The following KIF21B variants were observed in gnomAD, a reference collection of about 807,000 sequenced individuals.
KIF21B encodes kinesin family member 21B, also known as kinesin-like protein KIF21B.
Under a neutral mutation model 192.9 loss-of-function variants are expected in KIF21B, and 85 were observed. The observed-to-expected ratio is 0.44, with a 90% CI of 0.37 to 0.53. KIF21B has a LOEUF of 0.53. Among genes scored for constraint, KIF21B ranks in the 20% least tolerant of loss-of-function variants. The probability of loss-of-function intolerance (pLI) is 0.00; values close to 1 mark genes in which losing one functional copy is unlikely to be tolerated. For missense variants in KIF21B, 1,716 were observed against 2,194.8 expected (o/e 0.78, Z 4.36); for synonymous variants, 832 against 884.6 (o/e 0.94, Z 1.05).
Position 200,976,839 on chromosome 1 carries a change from C to T in KIF21B, c.4380G>A (p.Thr1460=), listed in dbSNP as rs368041843. The T allele has an allele frequency of 1.5e-5, 25 of 1,613,612 alleles. No homozygotes were observed. The highest frequency in any genetic ancestry group is 1.8e-5 in the Non-Finnish European group (21 of 1,179,786). Reference sequence around the variant, plus strand: ...CATGCTGGCTGGCCGTCTGGGTGACCGTCAGGCACATCACAGGGCCGATGT... The same window carrying T: ...CATGCTGGCTGGCCGTCTGGGTGACTGTCAGGCACATCACAGGGCCGATGT... ...TGHIGPVMCL[T]VTQTASQHDL... Residue 1460 remains threonine, a synonymous_variant, in exon 32 of 35, where the codon ACG becomes ACA. Coordinates refer to ENST00000461742, the MANE Select transcript of KIF21B (RefSeq NM_001252102.2).
At chr1:200,978,619 C>T (rs1021019515) in intron 30 of KIF21B, among the ~76,000 whole-genome samples, 1 of 152,204 alleles carries the variant, frequency 6.6e-6, no homozygotes, top group Non-Finnish European at 1.5e-5. Flanking sequence ...TGTATAATGG[C>T]ATGCATCTAC....
intron 3 of KIF21B, among the ~76,000 whole-genome samples, chr1:201,006,689 C>A (rs1307902492): frequency 6.6e-6 from 1 of 152,088 alleles, no homozygotes; most frequent in Non-Finnish European, 1.5e-5. Context: ...CTCTTCCGGG[C>A]TTCTCCATGG....
chr1:200,992,466 T>C, intron 15 of KIF21B, 77 bp from the exon 16 acceptor site: 2 of 1,443,376 alleles, frequency 1.4e-6, no homozygotes, highest in Non-Finnish European at 1.9e-6. Context: ...AGGGGCCAGC[T>C]CTGAGGGCAT....
Position 200,986,897 on chromosome 1 carries a change from TG to T in KIF21B, c.3635del (p.Thr1212LysfsTer6). 6.2e-7 allele frequency: 1 copy of T among 1,613,958 alleles called. No individual in the cohort carries two copies. The highest frequency in any genetic ancestry group is 8.5e-7 in the Non-Finnish European group (1 of 1,179,884). On this transcript the variant is annotated frameshift_variant, in exon 26 of 35. Transcript: ENST00000461742. LOFTEE classifies it high-confidence loss of function. ...TCCTTCTCGTCAGCGGGGACGTCTC[TG>T]TGGCTCGAGATTGCCTAGGGCTACA... ...GSTFPRQSRA[T>X]ETSPLTRRKS...
chr1:201,000,999 C>T lies in KIF21B; in HGVS notation c.1403-219G>A, dbSNP rs530105527. 6.6e-6 allele frequency among the ~76,000 whole-genome samples: 1 copy of T among 151,814 alleles called. No homozygotes were observed. The highest frequency in any genetic ancestry group is 1.9e-4 in the East Asian group (1 of 5,152). ...GCGCATGCCTCTAATCCCAGCTACT[C>T]GGGACGCTGAGGCAGGAGAATCGCT... On this transcript the variant is annotated intron_variant, in intron 9 of 34. Transcript: ENST00000461742. This position sits in a 1 kb window ranked among gnomAD's most constrained non-coding sequence, Gnocchi z 6.0.
chr1:200,981,680 T>G (rs887813608), intron 28 of KIF21B, among the ~76,000 whole-genome samples: 2 of 152,214 alleles, frequency 1.3e-5, no homozygotes, highest in Non-Finnish European at 2.9e-5. Context: ...ACACTCCTTT[T>G]GGACCAGCGG....
intron 3 of KIF21B, 48 bp from the exon 4 acceptor site, chr1:201,005,742 C>T (rs1657780648): frequency 6.3e-7 from 1 of 1,593,624 alleles, no homozygotes; most frequent in Non-Finnish European, 8.6e-7. Context: ...CACTGGGGCC[C>T]CAGGTGGCTG....
chr1:200,988,686 G>T (rs1460546487), intron 22 of KIF21B, 80 bp downstream of exon 22: 6 of 1,537,170 alleles, frequency 3.9e-6, no homozygotes, highest in Non-Finnish European at 5.3e-6. Flanking sequence ...TTCTGGGGAA[G>T]TGAGGGCCTT....
intron 17 of KIF21B, 117 bp downstream of exon 17, chr1:200,991,540 C>A: frequency 1.1e-5 from 12 of 1,053,338 alleles, no homozygotes; most frequent in Non-Finnish European, 1.7e-5. Flanking sequence ...TGGGAAATAC[C>A]GCCTTTATTC....
Position 201,023,292 on chromosome 1 carries a change from A to G in KIF21B, c.41+51T>C. On this transcript the variant is annotated intron_variant, in intron 1 of 34. Coordinates refer to ENST00000461742, the MANE Select transcript of KIF21B (RefSeq NM_001252102.2). This position sits in a 1 kb window ranked among gnomAD's most constrained non-coding sequence, Gnocchi z 5.9. ...GCCCCCCGCCCAAAGCCCACGCGAGACAAAGCCCGAGGCTTCTCCGCGCGC... is the reference window on the plus strand; with the variant it reads ...GCCCCCCGCCCAAAGCCCACGCGAGGCAAAGCCCGAGGCTTCTCCGCGCGC... The G allele has an allele frequency of 1.4e-6, 2 of 1,478,032 alleles. No individual in the cohort carries two copies. The highest frequency in any genetic ancestry group is 1.8e-6 in the Non-Finnish European group (2 of 1,102,068). The allele number at this position is 1,478,032 out of a possible 1,614,324, so 91.6% of individuals were successfully genotyped here.
chr1:201,000,544 C>T lies in KIF21B; in HGVS notation c.1531G>A (p.Ala511Thr). 2 of 1,613,126 alleles carry T rather than the reference C, an allele frequency of 1.2e-6. No homozygotes were observed. The highest frequency in any genetic ancestry group is 1.7e-6 in the Non-Finnish European group (2 of 1,179,608). Residue 511 changes from alanine to threonine, a missense_variant, in exon 11 of 35, where the codon GCT becomes ACT. Coordinates refer to ENST00000461742, the MANE Select transcript of KIF21B (RefSeq NM_001252102.2). The surrounding 1 kb of genome is among the most constrained non-coding windows in gnomAD (Gnocchi z 6.0). ...SLRRSLSRASARSPYSLGASP... is the reference protein window; with the variant it reads ...SLRRSLSRASTRSPYSLGASP... The stretch of plus-strand genomic sequence containing the variant: ...GCACCCAGGGAGTAGGGGCTCCTAG[C>T]CGAGGCCCGTGAGAGGCTGCGGCGC...
At chr1:201,021,743 C>T (rs1409883352) in intron 1 of KIF21B, among the ~76,000 whole-genome samples, 1 of 152,166 alleles carries the variant, frequency 6.6e-6, no homozygotes, top group African/African-American at 2.4e-5. Flanking sequence ...AAAGGAAACC[C>T]CCTGTGGAAA....
chr1:201,002,480 CT>C, intron 8 of KIF21B, 130 bp from the exon 9 acceptor site: 1 of 755,342 alleles, frequency 1.3e-6, no homozygotes. Flanking sequence ...CCAGTCTCCC[CT>C]GCCCCAGGTT....
Position 200,972,019 on chromosome 1 carries a change from C to G in KIF21B, c.*1502G>C, listed in dbSNP as rs1377742429. 1 of 139,268 alleles carries G rather than the reference C, an allele frequency of 7.2e-6. No individual in the cohort carries two copies. Among genetic ancestry groups the G allele is most frequent in the African/African-American group, 2.7e-5 (1 of 36,556 alleles). 8.6% of individuals were successfully genotyped at this position (139,268 alleles called of 1,614,324 possible). On this transcript the variant is annotated 3_prime_UTR_variant, in exon 35 of 35. Coordinates refer to ENST00000461742, the MANE Select transcript of KIF21B (RefSeq NM_001252102.2). ...CAGACTGAAGCGGGAAGCACAAGAC[C>G]AGCGATGCAACGGAAAAACAGGGTG...
At chr1:201,006,302 C>A (rs1041251124) in intron 3 of KIF21B, among the ~76,000 whole-genome samples, 1 of 152,224 alleles carries the variant, frequency 6.6e-6, no homozygotes, top group African/African-American at 2.4e-5. Context: ...GGAGCAGTCA[C>A]CCCATTTCAG....
chr1:200,992,458 G>A, intron 15 of KIF21B, 69 bp from the exon 16 acceptor site: 1 of 1,518,762 alleles, frequency 6.6e-7, no homozygotes, highest in Admixed American at 1.7e-5. Flanking sequence ...CTCCAGGGAG[G>A]GGCCAGCTCT....
Position 201,000,702 on chromosome 1 carries a change from A to C in KIF21B, c.1466+15T>G, listed in dbSNP as rs777181150. 5.0e-5 allele frequency: 80 copies of C among 1,613,988 alleles called. No individual in the cohort carries two copies. The highest frequency in any genetic ancestry group is 6.7e-5 in the Non-Finnish European group (79 of 1,179,998). ...CCCCCAGCCCGCGCACACCTGCCGG[A>C]GCTCACTCACTCACCGTAGCTCCTC... is the stretch of plus-strand genomic sequence containing the variant. On this transcript the variant is annotated intron_variant, in intron 10 of 34. Coordinates refer to ENST00000461742, the MANE Select transcript of KIF21B (RefSeq NM_001252102.2). The surrounding 1 kb of genome is among the most constrained non-coding windows in gnomAD (Gnocchi z 6.0).
intron 1 of KIF21B, among the ~76,000 whole-genome samples, chr1:201,014,565 G>C (rs1273376336): frequency 6.6e-6 from 1 of 152,222 alleles, no homozygotes; most frequent in African/African-American, 2.4e-5. Flanking sequence ...GCTTAGGAGG[G>C]GGAGGATGGC....
intron 1 of KIF21B, among the ~76,000 whole-genome samples, chr1:201,019,436 A>G (rs895958486): frequency 2.6e-5 from 4 of 152,072 alleles, no homozygotes; most frequent in African/African-American, 9.7e-5. Context: ...AAGGTGCCCC[A>G]TGACGAAGCC....
Sources: allele counts gnomAD v4.1 joint callset (sites outside exome capture counted in the v4.1 genomes callset), GRCh38; gene constraint gnomAD v4.1.1; non-coding constraint Gnocchi (gnomAD v3.1); transcripts MANE v1.5; gene names NCBI Gene and HGNC (gene_info 2026-07-23, HGNC 2026-07-21).